The following ASMTL variants were observed in gnomAD, a reference collection of about 807,000 sequenced individuals.
ASMTL encodes acetylserotonin O-methyltransferase like.
A neutral mutation model predicts 60.3 loss-of-function variants in ASMTL; 57 were observed. That is an observed-to-expected ratio of 0.95 (90% CI 0.76 to 1.18). ASMTL has a LOEUF of 1.18. Among genes scored for constraint, ASMTL ranks in the 50% most tolerant of loss-of-function variants. ASMTL has a pLI of 0.00. For synonymous variants in ASMTL, 419 were observed against 373.0 expected, an observed-to-expected ratio of 1.12 and a Z score of -1.42; for missense variants, 981 against 852.6, an observed-to-expected ratio of 1.15 and a Z score of -1.88.
intron 3 of ASMTL, among the ~76,000 whole-genome samples, chrX:1,437,725 G>A (rs1273982919): frequency 4.0e-5 from 6 of 151,730 alleles, no homozygotes; most frequent in East Asian, 2.0e-4. Context: ...GTGAAACCCC[G>A]TCTCTACTAA....
Position 1,403,829 on chromosome X carries a change from G to A in ASMTL, c.1646-340C>T, listed in dbSNP as rs182846187. On this transcript the variant is annotated intron_variant, in intron 12 of 12. Transcript: ENST00000381317. ...TATGGATAGGTGGACGCATGGATGA[G>A]AAGGATGGATGGATGAACAGATGGT... Among the ~76,000 whole-genome samples the A allele has an allele frequency of 2.7e-3, 413 of 152,266 alleles. 2 individuals are homozygous for A. The highest frequency in any genetic ancestry group is 3.2e-3 in the Non-Finnish European group (218 of 68,018).
At chrX:1,423,394 CT>C (rs1319699175) in intron 8 of ASMTL, among the ~76,000 whole-genome samples, 1 of 152,102 alleles carries the variant, frequency 6.6e-6, no homozygotes, top group Admixed American at 6.6e-5. Context: ...GCTTTGTCTC[CT>C]AATCACAGAA....
chrX:1,426,614 A>T (rs1432745604), intron 7 of ASMTL, among the ~76,000 whole-genome samples: 1 of 152,124 alleles, frequency 6.6e-6, no homozygotes, highest in Non-Finnish European at 1.5e-5. Context: ...GCACTTTAGG[A>T]GGCCGAGGCG....
intron 11 of ASMTL, chrX:1,413,090 C>A: frequency 1.8e-6 from 1 of 560,210 alleles, no homozygotes. Context: ...ACGCTGGGGA[C>A]AGTGGCTCAC....
At chrX:1,435,317 C>T (rs1224528809) in intron 4 of ASMTL, 28 of 624,374 alleles carry the variant, frequency 4.5e-5, no homozygotes, top group South Asian at 3.1e-4. Flanking sequence ...CCAGGCCAGG[C>T]AGCTCTCAGC....
intron 1 of ASMTL, among the ~76,000 whole-genome samples, chrX:1,444,855 T>A (rs1367073191): frequency 2.0e-5 from 3 of 152,046 alleles, no homozygotes; most frequent in African/African-American, 7.2e-5. Flanking sequence ...AGACAACTCA[T>A]GTAAAGGGGA....
chrX:1,429,644 A>G (rs1227273257), intron 6 of ASMTL, among the ~76,000 whole-genome samples: 1 of 151,992 alleles, frequency 6.6e-6, no homozygotes, highest in African/African-American at 2.4e-5. Context: ...CTAAAAATAA[A>G]AAATTCGCCA....
At chrX:1,418,455 C>G (rs2090378710) in intron 10 of ASMTL, among the ~76,000 whole-genome samples, 1 of 151,898 alleles carries the variant, frequency 6.6e-6, no homozygotes, top group Admixed American at 6.6e-5. Context: ...GAAATCCTTT[C>G]TGCCCAGGGG....
rs369910848 is a variant in ASMTL at position 1,418,989 on chromosome X, G to C, written c.1371C>G (p.Asp457Glu). 4.6e-5 allele frequency: 74 copies of C among 1,611,772 alleles called. No individual in the cohort carries two copies. The highest frequency in any genetic ancestry group is 5.9e-5 in the Non-Finnish European group (70 of 1,179,826). Reference protein sequence around the residue: ...FNLSRFSSACDVGGCTGALAR... With the variant: ...FNLSRFSSACEVGGCTGALAR... ...GGCGGGGGGGCCACCCACCTCCCAC[G>C]TCGCAGGCGGAGGAGAAGCGGGACA... The change falls in exon 10 of 13, where the codon GAC becomes GAG. Residue 457 changes from aspartate to glutamate, a missense_variant. Coordinates refer to ENST00000381317, the MANE Select transcript of ASMTL (RefSeq NM_004192.4).
At chrX:1,406,985 G>C (rs1469348157) in intron 12 of ASMTL, among the ~76,000 whole-genome samples, 2 of 151,110 alleles carry the variant, frequency 1.3e-5, no homozygotes, top group African/African-American at 4.9e-5. Flanking sequence ...GTAGATGAAT[G>C]GATGGATAGA....
intron 6 of ASMTL, 175 bp downstream of exon 6, chrX:1,432,094 G>C: frequency 1.6e-6 from 1 of 615,790 alleles, no homozygotes; most frequent in South Asian, 2.0e-5. Flanking sequence ...GAGCCTCCAT[G>C]GGTCAGTGTG....
At position 1,418,968 on chromosome X, in the gene ASMTL, G is replaced by A. The variant is rs1355272197; in HGVS notation, c.1378+14C>T. On this transcript the variant is annotated intron_variant, in intron 10 of 12. Coordinates refer to ENST00000381317, the MANE Select transcript of ASMTL (RefSeq NM_004192.4). ...AACGAAAGTAAGGAGAGCCCTGGCG[G>A]GGGGGCCACCCACCTCCCACGTCGC... The A allele has an allele frequency of 6.2e-7, 1 of 1,611,758 alleles. No individual in the cohort carries two copies. Among genetic ancestry groups the A allele is most frequent in the South Asian group, 1.1e-5 (1 of 90,966 alleles).
intron 11 of ASMTL, among the ~76,000 whole-genome samples, chrX:1,416,892 T>C (rs1278499435): frequency 7.1e-6 from 1 of 141,548 alleles, no homozygotes; most frequent in Middle Eastern, 4.5e-3. Context: ...CAGACACACA[T>C]ACCCTCAGAG....
At chrX:1,438,197 C>T (rs1274516767) in intron 3 of ASMTL, among the ~76,000 whole-genome samples, 5 of 151,718 alleles carry the variant, frequency 3.3e-5, no homozygotes, top group African/African-American at 4.8e-5. Context: ...GCAGGAGAAT[C>T]GCTTGAACCC....
In ASMTL at chrX:1,424,814, CCATTT is replaced by C. The variant is rs771704786; in HGVS notation, c.1060+706_1060+710del. ...CTTACCCACCCATCTACCCACCCTT[CCATTT>C]ATCCATCCACCTCTCCATCCATCCA... On this transcript the variant is annotated intron_variant, in intron 8 of 12. Transcript: ENST00000381317. 3.5e-3 allele frequency among the ~76,000 whole-genome samples: 505 copies of C among 144,704 alleles called. 3 individuals carry two copies. Among genetic ancestry groups the C allele is most frequent in the African/African-American group, 0.012 (486 of 39,548 alleles). 94.9% of individuals were successfully genotyped at this position (144,704 alleles called of 152,430 possible).
At chrX:1,412,690 T>C in intron 12 of ASMTL, 42 bp downstream of exon 12, 3 of 1,613,710 alleles carry the variant, frequency 1.9e-6, no homozygotes, top group African/African-American at 1.3e-5. Context: ...CCCAAAATAC[T>C]ACGTCTTAAC....
At chrX:1,427,527 C>T (rs2149314111) in intron 7 of ASMTL, among the ~76,000 whole-genome samples, 1 of 151,898 alleles carries the variant, frequency 6.6e-6, no homozygotes. Context: ...AGTGATGCGG[C>T]CACAAGCCCA....
chrX:1,426,175 G>A (rs1361633227), intron 7 of ASMTL, among the ~76,000 whole-genome samples: 1 of 152,042 alleles, frequency 6.6e-6, no homozygotes, highest in African/African-American at 2.4e-5. Flanking sequence ...TCCAAGCCCA[G>A]GAGAGAGGCC....
rs2089855946 is a variant in ASMTL at position 1,406,610 on chromosome X, AG to A, written c.1646-3122del. On this transcript the variant is annotated intron_variant, in intron 12 of 12. Coordinates refer to ENST00000381317, the MANE Select transcript of ASMTL (RefSeq NM_004192.4). The stretch of plus-strand genomic sequence containing the variant: ...TGGATGTATGGGTGAATAGATAGGT[AG>A]GTAGGTAGATGGATGCATGGATGTG... Among the ~76,000 whole-genome samples, 4 of 150,012 alleles carry A rather than the reference AG, an allele frequency of 2.7e-5. No homozygotes were observed. In the South Asian group the frequency reaches 8.6e-4, roughly 32 times the overall value.
Sources: gnomAD v4.1 joint callset for allele counts (sites outside exome capture counted in the v4.1 genomes callset) on GRCh38, gnomAD v4.1.1 for gene constraint, MANE v1.5 for transcripts, NCBI Gene and HGNC (gene_info 2026-07-23, HGNC 2026-07-21) for gene names.